The following TTC13 variants were observed in gnomAD, a reference collection of about 807,000 sequenced individuals.
TTC13 encodes the protein tetratricopeptide repeat protein 13.
In TTC13, 62 loss-of-function variants were observed where a neutral mutation model predicts 120.0. That is an observed-to-expected ratio of 0.52 (90% CI 0.42 to 0.64). The LOEUF (loss-of-function observed/expected upper bound fraction) is 0.64, where lower values mean the gene tolerates loss of function less well. TTC13 is among the 30% of genes least tolerant of loss of function. The pLI, the probability that TTC13 is intolerant of heterozygous loss-of-function variation, is 0.00. For missense variants in TTC13, 824 were observed against 1,050.2 expected (o/e 0.78, Z 2.98); for synonymous variants, 384 against 393.5 (o/e 0.98, Z 0.28).
chr1:230,969,831 C>T (rs529893793), intron 1 of TTC13, among the ~76,000 whole-genome samples: 8 of 152,328 alleles, frequency 5.3e-5, no homozygotes, highest in African/African-American at 1.9e-4. Context: ...GCCCTGTGCA[C>T]AGAAAAGGAT....
At chr1:230,937,941 C>G (rs531363634) in intron 8 of TTC13, among the ~76,000 whole-genome samples, 1 of 152,190 alleles carries the variant, frequency 6.6e-6, no homozygotes, top group Non-Finnish European at 1.5e-5. Context: ...AACTTCAATG[C>G]TCTGTCCTTG....
Position 230,978,380 on chromosome 1 carries a change from G to T in TTC13, c.271+180C>A, listed in dbSNP as rs1214967390. ...CAAAGGCGGCTGCAGGAGGGCGCGC[G>T]GCGGCGTGGGTGGCAGCGGCGGGAA... On this transcript the variant is annotated intron_variant, in intron 1 of 22. Coordinates refer to ENST00000366661, the MANE Select transcript of TTC13 (RefSeq NM_024525.5). The surrounding 1 kb of genome is among the most constrained non-coding windows in gnomAD (Gnocchi z 5.6). Among the ~76,000 whole-genome samples, 1 of 151,972 alleles carries T rather than the reference G, an allele frequency of 6.6e-6. No individual in the cohort carries two copies. The highest frequency in any genetic ancestry group is 6.6e-5 in the Admixed American group (1 of 15,258).
At chr1:230,933,730 C>T (rs1673778679) in intron 9 of TTC13, 49 bp downstream of exon 9, 1 of 1,002,024 alleles carries the variant, frequency 1.0e-6, no homozygotes, top group Non-Finnish European at 1.5e-6. Flanking sequence ...TATCTTGTCT[C>T]CCCACTCTTC....
rs1020024182 is a variant in TTC13 at position 230,924,978 on chromosome 1, G to A, written c.1589-5C>T. 2.5e-5 allele frequency: 40 copies of A among 1,614,000 alleles called. No homozygotes were observed. The highest frequency in any genetic ancestry group is 1.2e-4 in the Admixed American group (7 of 60,006). ...CCAATGCGGCCAAACCCATAGCTAC[G>A]AGAAAGGAATATCGAGAAGAGTTAG... On this transcript the variant is annotated splice_region_variant and splice_polypyrimidine_tract_variant and intron_variant, in intron 13 of 22. Coordinates refer to ENST00000366661, the MANE Select transcript of TTC13 (RefSeq NM_024525.5).
intron 10 of TTC13, 22 bp downstream of exon 10, chr1:230,931,714 G>A (rs570435361): frequency 1.2e-6 from 2 of 1,612,372 alleles, no homozygotes; most frequent in African/African-American, 1.3e-5. Flanking sequence ...CAATTACAGT[G>A]TTCTTATTTA....
intron 1 of TTC13, among the ~76,000 whole-genome samples, chr1:230,967,884 C>T (rs960242441): frequency 2.0e-5 from 3 of 152,160 alleles, no homozygotes; most frequent in African/African-American, 7.2e-5. Context: ...TCCTTGCTTA[C>T]GTCGTACAAG....
intron 8 of TTC13, 26 bp downstream of exon 8, chr1:230,939,360 G>A (rs1254216633): frequency 1.4e-6 from 2 of 1,422,960 alleles, no homozygotes; most frequent in Admixed American, 1.8e-5. Flanking sequence ...GTCATCATAT[G>A]GTACACATAT....
intron 1 of TTC13, among the ~76,000 whole-genome samples, chr1:230,963,386 C>T (rs1481321722): frequency 1.3e-5 from 2 of 151,834 alleles, no homozygotes; most frequent in Non-Finnish European, 2.9e-5. Context: ...CACCTGCAAT[C>T]CCAGGACTTT....
intron 21 of TTC13, 72 bp downstream of exon 21, chr1:230,908,869 AC>A: frequency 3.7e-6 from 6 of 1,606,542 alleles, no homozygotes; most frequent in Non-Finnish European, 5.1e-6. Context: ...TAACTCGTGT[AC>A]CTTAAAATAA....
chr1:230,939,391 G>A lies in TTC13; in HGVS notation c.895C>T (p.Leu299=). The A allele has an allele frequency of 6.2e-7, 1 of 1,602,896 alleles. No individual in the cohort carries two copies. The highest frequency in any genetic ancestry group is 8.5e-7 in the Non-Finnish European group (1 of 1,170,788). ...CATATGCACAACACTTTCACCTTCA[G>A]AAGTCCTCTGTGAAAGAAAGTTAAA... ...KGLTFFHRGL[L]KEAIESFKEA... The change falls in exon 8 of 23, where the codon CTG becomes TTG. Residue 299 remains leucine (L), a synonymous_variant. Coordinates refer to ENST00000366661, the MANE Select transcript of TTC13 (RefSeq NM_024525.5).
chr1:230,945,540 G>GC (rs1290039941), intron 4 of TTC13, 86 bp from the exon 5 acceptor site: 1 of 1,167,450 alleles, frequency 8.6e-7, no homozygotes, highest in African/African-American at 1.5e-5. Flanking sequence ...CGTTAATGCC[G>GC]CAAGTGACAG....
chr1:230,948,335 A>AC (rs1372459429), intron 4 of TTC13, among the ~76,000 whole-genome samples: 1 of 147,916 alleles, frequency 6.8e-6, no homozygotes, highest in Non-Finnish European at 1.5e-5. Flanking sequence ...CACTTAAAAA[A>AC]AAAAGTGCTA....
rs1678546974 is a variant in TTC13 at position 230,978,162 on chromosome 1, G to A, written c.271+398C>T. Among the ~76,000 whole-genome samples, 1 of 152,194 alleles carries A rather than the reference G, an allele frequency of 6.6e-6. No homozygotes were observed. Among genetic ancestry groups the A allele is most frequent in the South Asian group, 2.1e-4 (1 of 4,836 alleles). Reference sequence around the variant, plus strand: ...GGGGGCGGGCTCCGCAAGCCGCCGGGCTGGTTGCTCGTCCGCCCGCCCCTC... The same window carrying A: ...GGGGGCGGGCTCCGCAAGCCGCCGGACTGGTTGCTCGTCCGCCCGCCCCTC... On this transcript the variant is annotated intron_variant, in intron 1 of 22. Coordinates refer to ENST00000366661, the MANE Select transcript of TTC13 (RefSeq NM_024525.5). This position sits in a 1 kb window ranked among gnomAD's most constrained non-coding sequence, Gnocchi z 5.6.
intron 11 of TTC13, among the ~76,000 whole-genome samples, chr1:230,930,204 G>C (rs558723584): frequency 5.9e-4 from 90 of 152,172 alleles, no homozygotes; most frequent in African/African-American, 2.0e-3. Context: ...AGATTTCAAA[G>C]ACTTAGTACA....
At chr1:230,947,335 A>T (rs970402412) in intron 4 of TTC13, among the ~76,000 whole-genome samples, 2 of 152,174 alleles carry the variant, frequency 1.3e-5, no homozygotes, top group Non-Finnish European at 2.9e-5. Context: ...ATGAGGAATT[A>T]AAAGTAAGAC....
intron 1 of TTC13, among the ~76,000 whole-genome samples, chr1:230,977,294 G>A (rs1322143530): frequency 1.3e-5 from 2 of 152,130 alleles, no homozygotes; most frequent in East Asian, 3.8e-4. Flanking sequence ...CAGCACCCTC[G>A]TGAGGAAAAT....
intron 1 of TTC13, among the ~76,000 whole-genome samples, chr1:230,968,186 G>GT (rs1426512765): frequency 1.2e-3 from 56 of 44,970 alleles, no homozygotes; most frequent in Admixed American, 3.6e-3. Context: ...TATGGTGGTG[G>GT]GGGGGGGGCC....
At position 230,978,778 on chromosome 1, in the gene TTC13, G is replaced by A; in HGVS notation, c.53C>T (p.Ala18Val). 1.3e-6 allele frequency: 2 copies of A among 1,498,204 alleles called. No individual in the cohort carries two copies. Among genetic ancestry groups the A allele is most frequent in the South Asian group, 1.2e-5 (1 of 80,478 alleles). The allele number at this position is 1,498,204 out of a possible 1,614,324, so 92.8% of individuals were successfully genotyped here. Residue 18 changes from alanine to valine, a missense_variant, in exon 1 of 23, where the codon GCC becomes GTC. Physicochemically the swap from Ala to Val is moderately conservative, Grantham distance 64. This residue lies in a region of TTC13 where 160 missense variants were observed against 137.2 expected (regional missense o/e 1.17). Coordinates refer to ENST00000366661, the MANE Select transcript of TTC13 (RefSeq NM_024525.5). This position sits in a 1 kb window ranked among gnomAD's most constrained non-coding sequence, Gnocchi z 5.6. ...GACACGCCGGGCGGCGCCCGCGGCG[G>A]CCACAGCGCCGCCCCAGAAGCAGCA... ...CCCCFWGGAV[A>V]AAGAARRVLL...
intron 18 of TTC13, among the ~76,000 whole-genome samples, chr1:230,914,894 C>G (rs1018906623): frequency 6.6e-6 from 1 of 152,034 alleles, no homozygotes; most frequent in African/African-American, 2.4e-5. Flanking sequence ...GGTCAATCCA[C>G]CTAACCCCTG....
Sources: allele counts gnomAD v4.1 joint callset (sites outside exome capture counted in the v4.1 genomes callset), GRCh38; gene constraint gnomAD v4.1.1; regional missense constraint gnomAD v4.1.1; non-coding constraint Gnocchi (gnomAD v3.1); transcripts MANE v1.5; gene names NCBI Gene and HGNC (gene_info 2026-07-23, HGNC 2026-07-21).